Variants in TRAPPC9 observed in about 807,000 individuals in gnomAD.
TRAPPC9 encodes the protein IKK2 binding protein.
In TRAPPC9, 83 loss-of-function variants were observed where a neutral mutation model predicts 124.0. The observed-to-expected ratio is 0.67, with a 90% confidence interval of 0.56 to 0.80. The LOEUF (loss-of-function observed/expected upper bound fraction) is 0.80, where lower values mean the gene tolerates loss of function less well. TRAPPC9 is among the 30% of genes least tolerant of loss of function. The pLI, the probability that TRAPPC9 is intolerant of heterozygous loss-of-function variation, is 0.00. For synonymous variants in TRAPPC9, 638 were observed against 617.5 expected, an observed-to-expected ratio of 1.03 and a Z score of -0.49; for missense variants, 1,302 against 1,508.3, an observed-to-expected ratio of 0.86 and a Z score of 2.27.
Position 140,199,463 on chromosome 8 carries a change from A to G in TRAPPC9, c.2556+21996T>C, listed in dbSNP as rs796418962. On this transcript the variant is annotated intron_variant, in intron 17 of 22. Coordinates refer to ENST00000438773, the MANE Select transcript of TRAPPC9 (RefSeq NM_001160372.4). ...AGTTAAGTAACCTGCCTGATGTCAC[A>G]CAGTTCGTAGGTGATCAAGCTGGAA... Among the ~76,000 whole-genome samples, 9 of 152,200 alleles carry G rather than the reference A, an allele frequency of 5.9e-5. No individual in the cohort carries two copies. In the South Asian group the frequency reaches 1.7e-3, roughly 28 times the overall value.
At chr8:140,195,456 C>T (rs942934352) in intron 17 of TRAPPC9, among the ~76,000 whole-genome samples, 1 of 151,872 alleles carries the variant, frequency 6.6e-6, no homozygotes, top group South Asian at 2.1e-4. Context: ...CCGTACAGCT[C>T]GCACCTGTGA....
intron 17 of TRAPPC9, among the ~76,000 whole-genome samples, chr8:140,030,248 T>C (rs1840419755): frequency 6.6e-6 from 1 of 152,204 alleles, no homozygotes; most frequent in African/African-American, 2.4e-5. Flanking sequence ...CTGTAATAAT[T>C]TTTGTAAGCA....
At chr8:140,090,336 C>A (rs1430088108) in intron 17 of TRAPPC9, among the ~76,000 whole-genome samples, 1 of 152,182 alleles carries the variant, frequency 6.6e-6, no homozygotes, top group Non-Finnish European at 1.5e-5. Flanking sequence ...GCAGCTCCCA[C>A]AGAAGCCCTC....
intron 7 of TRAPPC9, among the ~76,000 whole-genome samples, chr8:140,396,173 A>C (rs2069092019): frequency 5.9e-5 from 7 of 119,340 alleles, no homozygotes; most frequent in Admixed American, 1.1e-4. Context: ...CAAGAGTCTC[A>C]CTCTGTCACC....
chr8:140,152,390 C>T (rs1363439777), intron 17 of TRAPPC9, among the ~76,000 whole-genome samples: 1 of 125,578 alleles, frequency 8.0e-6, no homozygotes, highest in African/African-American at 3.2e-5. Context: ...AGATGGAGTC[C>T]TGCTCTGTCA....
chr8:140,066,949 C>CT (rs1334145576), intron 17 of TRAPPC9, among the ~76,000 whole-genome samples: 1 of 152,212 alleles, frequency 6.6e-6, no homozygotes, highest in East Asian at 1.9e-4. Flanking sequence ...GACAGGCACC[C>CT]TCTCCAGGTT....
chr8:140,191,183 C>T (rs560010666), intron 17 of TRAPPC9, among the ~76,000 whole-genome samples: 45 of 152,306 alleles, frequency 3.0e-4, no homozygotes, highest in Admixed American at 1.1e-3. Flanking sequence ...GGGCCGACAA[C>T]GTGCCAGATG....
chr8:140,303,614 C>T (rs1019984200), intron 10 of TRAPPC9, among the ~76,000 whole-genome samples: 4 of 152,212 alleles, frequency 2.6e-5, no homozygotes, highest in Non-Finnish European at 4.4e-5. Context: ...CATCTCTTCG[C>T]AATTAGCCTT....
At chr8:140,398,863 G>T (rs1426325481) in intron 6 of TRAPPC9, among the ~76,000 whole-genome samples, 1 of 152,236 alleles carries the variant, frequency 6.6e-6, no homozygotes, top group African/African-American at 2.4e-5. Context: ...AATGTCAGAG[G>T]TCTTCACAGC....
intron 21 of TRAPPC9, among the ~76,000 whole-genome samples, chr8:139,767,511 C>T (rs971156843): frequency 2.4e-4 from 36 of 152,172 alleles, no homozygotes; most frequent in Middle Eastern, 3.4e-3. Flanking sequence ...CTGGGTGAGA[C>T]GGATCCAGGA....
intron 17 of TRAPPC9, among the ~76,000 whole-genome samples, chr8:140,088,705 T>C (rs775044089): frequency 1.3e-5 from 2 of 152,264 alleles, no homozygotes; most frequent in African/African-American, 2.4e-5. Flanking sequence ...CAATCTTTTT[T>C]CTTCATCTTA....
At chr8:139,893,664 T>C (rs1830485980) in intron 20 of TRAPPC9, among the ~76,000 whole-genome samples, 1 of 152,264 alleles carries the variant, frequency 6.6e-6, no homozygotes, top group African/African-American at 2.4e-5. Flanking sequence ...CATCAAAAGC[T>C]GCCCTTCACC....
At chr8:139,837,792 C>G (rs1826456115) in intron 21 of TRAPPC9, among the ~76,000 whole-genome samples, 1 of 150,994 alleles carries the variant, frequency 6.6e-6, no homozygotes, top group Non-Finnish European at 1.5e-5. Flanking sequence ...TCTGTGCTCC[C>G]CGCTTCTCAC....
chr8:140,265,524 A>G (rs192831210), intron 15 of TRAPPC9, among the ~76,000 whole-genome samples: 1 of 152,304 alleles, frequency 6.6e-6, no homozygotes, highest in Admixed American at 6.5e-5. Flanking sequence ...TTGCACCTCA[A>G]AAGTGGGCCT....
rs117122176 is a variant in TRAPPC9, at chr8:139,770,680, C to T, written c.3056-38478G>A. 4.5e-4 allele frequency among the ~76,000 whole-genome samples: 68 copies of T among 152,330 alleles called. 1 individual carries two copies. The East Asian group carries it at 0.012, about 27-fold the overall frequency. On this transcript the variant is annotated intron_variant, in intron 21 of 22. Transcript: ENST00000438773. Reference sequence around the variant, plus strand: ...CTGAGGCCACAGAGCTGGGGGACATCACTAATGAGAAACAGTAAGAAATTC... The same window carrying T: ...CTGAGGCCACAGAGCTGGGGGACATTACTAATGAGAAACAGTAAGAAATTC...
intron 18 of TRAPPC9, among the ~76,000 whole-genome samples, chr8:139,995,653 C>T (rs1484458886): frequency 1.3e-5 from 2 of 152,054 alleles, no homozygotes; most frequent in African/African-American, 4.8e-5. Context: ...GAGATTGATT[C>T]AGAGAGCAGA....
intron 20 of TRAPPC9, 77 bp downstream of exon 20, chr8:139,910,070 C>G: frequency 6.4e-7 from 1 of 1,551,760 alleles, no homozygotes; most frequent in Admixed American, 1.8e-5. Flanking sequence ...TAGCTAAGAC[C>G]CTCACGGGTC....
At chr8:140,381,279 C>G (rs2068600707) in intron 7 of TRAPPC9, among the ~76,000 whole-genome samples, 1 of 151,526 alleles carries the variant, frequency 6.6e-6, no homozygotes, top group African/African-American at 2.4e-5. Context: ...GAGAGAAATT[C>G]TGCAAAGCAT....
At chr8:140,298,893 G>A (rs1289022976) in intron 11 of TRAPPC9, among the ~76,000 whole-genome samples, 1 of 152,168 alleles carries the variant, frequency 6.6e-6, no homozygotes, top group African/African-American at 2.4e-5. Flanking sequence ...CAGGTGCTGG[G>A]GAGACAGCAG....
Sources: gnomAD v4.1 joint callset for allele counts (sites outside exome capture counted in the v4.1 genomes callset) on GRCh38, gnomAD v4.1.1 for gene constraint, MANE v1.5 for transcripts, NCBI Gene and HGNC (gene_info 2026-07-23, HGNC 2026-07-21) for gene names.